Variants in CCM2L observed in about 807,000 individuals in gnomAD.
CCM2L encodes cerebral cavernous malformations 2 protein-like.
Under a neutral mutation model 54.1 loss-of-function variants are expected in CCM2L, and 36 were observed. The ratio of observed to expected loss-of-function variants is 0.67; its 90% CI spans 0.51 to 0.88. The LOEUF (loss-of-function observed/expected upper bound fraction) is 0.88. Among genes scored for constraint, CCM2L ranks in the 40% least tolerant of loss-of-function variants. The pLI is 0.00. For synonymous variants in CCM2L, 351 were observed against 359.3 expected (o/e 0.98, Z 0.26); for missense variants, 700 against 812.1 (o/e 0.86, Z 1.68).
At chr20:32,029,972 A>G in intron 9 of CCM2L, 134 bp downstream of exon 9, 1 of 1,126,902 alleles carries the variant, frequency 8.9e-7, no homozygotes, top group East Asian at 2.9e-5. Flanking sequence ...TGAGATTCAC[A>G]GGGCAGATGA....
At position 32,017,900 on chromosome 20, in the gene CCM2L, G is replaced by T. The variant is rs1007560029; in HGVS notation, c.282+17G>T. 6.2e-7 allele frequency: 1 copy of T among 1,613,748 alleles called. No individual in the cohort carries two copies. On this transcript the variant is annotated intron_variant, in intron 3 of 9. Coordinates refer to ENST00000452892, the MANE Select transcript of CCM2L (RefSeq NM_001365692.1). Reference sequence around the variant, plus strand: ...ACCGCCAGGGTGAGACTCTGGGGAGGGAGGAGGGCAGGATCTCGCTCCCTT... The same window carrying T: ...ACCGCCAGGGTGAGACTCTGGGGAGTGAGGAGGGCAGGATCTCGCTCCCTT...
Position 32,028,847 on chromosome 20 carries a change from A to C in CCM2L, c.1134-148A>C. 5.2e-6 allele frequency: 5 copies of C among 958,630 alleles called. No homozygotes were observed. In the Middle Eastern group the frequency reaches 1.7e-3, roughly 328 times the overall value. 59.4% of individuals were successfully genotyped at this position (958,630 alleles called of 1,614,324 possible). A position where few individuals can be genotyped will look rare whatever the true frequency, so the allele number is the denominator to read the frequency against. On this transcript the variant is annotated intron_variant, in intron 7 of 9. Transcript: ENST00000452892. ...CAAAGGCAAAGGCAAGCACAGTGAC[A>C]GATGAGACTTGAGAGGTGCCAGGGG...
chr20:32,025,323 T>C (rs2064848422), intron 6 of CCM2L, among the ~76,000 whole-genome samples: 1 of 151,778 alleles, frequency 6.6e-6, no homozygotes, highest in South Asian at 2.1e-4. Context: ...GCCTGGACTG[T>C]AGTGGTACAA....
At chr20:32,015,166 G>T in intron 2 of CCM2L, 95 bp downstream of exon 2, 1 of 1,283,918 alleles carries the variant, frequency 7.8e-7, no homozygotes, top group Non-Finnish European at 1.0e-6. Context: ...ATCTCACACA[G>T]GGGAAGTTGT....
chr20:32,026,808 G>A (rs901762822), intron 7 of CCM2L, among the ~76,000 whole-genome samples: 8 of 151,792 alleles, frequency 5.3e-5, no homozygotes, highest in South Asian at 2.1e-4. Flanking sequence ...CCCAGGAGGC[G>A]GAGCTTACAG....
Position 32,031,814 on chromosome 20 carries a change from C to A in CCM2L, c.*500C>A, listed in dbSNP as rs1177307779. On this transcript the variant is annotated 3_prime_UTR_variant, in exon 10 of 10. Transcript: ENST00000452892. The stretch of plus-strand genomic sequence containing the variant: ...TCTCCTTATATGACCTCAAACTGAC[C>A]ATACTAAACAGTGTAGAAGGTCTTT... The A allele has an allele frequency of 6.4e-6, 1 of 156,680 alleles. No homozygotes were observed. The highest frequency in any genetic ancestry group is 1.4e-5 in the Non-Finnish European group (1 of 71,186). 9.7% of individuals were successfully genotyped at this position (156,680 alleles called of 1,614,324 possible).
chr20:32,014,259 A>ATTTT (rs1469397735), intron 1 of CCM2L, among the ~76,000 whole-genome samples: 23 of 138,930 alleles, frequency 1.7e-4, no homozygotes, highest in African/African-American at 3.6e-4. Context: ...ATATATATAT[A>ATTTT]TATTTTTTTT....
In CCM2L at chr20:32,019,168, C is replaced by A; in HGVS notation, c.692C>A (p.Ala231Glu). 8.9e-7 allele frequency: 1 copy of A among 1,117,876 alleles called. No individual in the cohort carries two copies. Among genetic ancestry groups the A allele is most frequent in the Non-Finnish European group, 1.1e-6 (1 of 907,174 alleles). 69.2% of individuals were successfully genotyped at this position (1,117,876 alleles called of 1,614,324 possible). Residue 231 changes from alanine to glutamate, a missense_variant, in exon 5 of 10, where the codon GCG (alanine) becomes GAG (glutamate). Physicochemically the swap from Ala to Glu is moderately radical, Grantham distance 107 (BLOSUM62 -1). Transcript: ENST00000452892. Reference sequence around the variant, plus strand: ...AGCTTGGAGCGCCAGCGCGCCGGGGCGCGGGCGTCGGGCAGCTGGGAGCGA... The same window carrying A: ...AGCTTGGAGCGCCAGCGCGCCGGGGAGCGGGCGTCGGGCAGCTGGGAGCGA... Reference protein sequence around the residue: ...GGSLERQRAGARASGSWERRQ... With the variant: ...GGSLERQRAGERASGSWERRQ...
Position 32,014,942 on chromosome 20 carries a change from G to GGCCGGGC in CCM2L, c.77_83dup (p.Ala29ProfsTer5). The GGCCGGGC allele has an allele frequency of 6.2e-7, 1 of 1,602,310 alleles. No homozygotes were observed. Among genetic ancestry groups the GGCCGGGC allele is most frequent in the Non-Finnish European group, 8.5e-7 (1 of 1,174,432 alleles). ...CCATCCGAAGGCTGGTGTTCCCCAA[G>GGCCGGGC]GCCGGGCGCCGGGCAGCCTGTAGGA... On this transcript the variant is annotated frameshift_variant, in exon 2 of 10. Coordinates refer to ENST00000452892, the MANE Select transcript of CCM2L (RefSeq NM_001365692.1). LOFTEE classifies it high-confidence loss of function.
In CCM2L at chr20:32,029,811, G is replaced by C. The variant is rs765023826; in HGVS notation, c.1375G>C (p.Gly459Arg). Reference protein sequence around the residue: ...DYCTGLLKLYGDRRKFLLLGM... With the variant: ...DYCTGLLKLYRDRRKFLLLGM... The stretch of plus-strand genomic sequence containing the variant: ...TTGCACAGGCCTGCTGAAGCTCTAC[G>C]GAGACCGGCGCAAGTTCCTCCTCCT... The change falls in exon 9 of 10, where the codon GGA becomes CGA. Residue 459 changes from glycine to arginine, a missense_variant. Physicochemically the swap from Gly to Arg is moderately radical, Grantham distance 125 (BLOSUM62 -2). Transcript: ENST00000452892. The C allele has an allele frequency of 6.2e-6, 10 of 1,608,638 alleles. No individual in the cohort carries two copies. The Admixed American group carries it at 1.0e-4, about 16-fold the overall frequency.
chr20:32,015,919 C>T lies in CCM2L; in HGVS notation c.198+848C>T, dbSNP rs144531850. Among the ~76,000 whole-genome samples, 947 of 144,972 alleles carry T rather than the reference C, an allele frequency of 6.5e-3. 4 individuals are homozygous for T. Among genetic ancestry groups the T allele is most frequent in the Middle Eastern group, 0.031 (8 of 258 alleles). Reference sequence around the variant, plus strand: ...TCTCCCAGGCTGGAGTGCAGTGGCACGATCTTGGCTCACTGTAACCTCCGC... The same window carrying T: ...TCTCCCAGGCTGGAGTGCAGTGGCATGATCTTGGCTCACTGTAACCTCCGC... On this transcript the variant is annotated intron_variant, in intron 2 of 9. Coordinates refer to ENST00000452892, the MANE Select transcript of CCM2L (RefSeq NM_001365692.1).
chr20:32,029,761 G>A lies in CCM2L; in HGVS notation c.1325G>A (p.Arg442Gln), dbSNP rs774474624. Residue 442 changes from arginine to glutamine, a missense_variant, in exon 9 of 10, where the codon CGG becomes CAG. By Grantham distance (43) the Arg-to-Gln change is conservative (BLOSUM62 1). Coordinates refer to ENST00000452892, the MANE Select transcript of CCM2L (RefSeq NM_001365692.1). ...QQFAMLLREY[R>Q]LGLPIQDYCT... is the part of the protein sequence containing the mutation. ...TTTGCGATGCTGCTGCGGGAGTACCGGCTGGGGCTGCCCATCCAGGACTAT... is the reference window on the plus strand; with the variant it reads ...TTTGCGATGCTGCTGCGGGAGTACCAGCTGGGGCTGCCCATCCAGGACTAT... 8.7e-6 allele frequency: 14 copies of A among 1,613,408 alleles called. No individual in the cohort carries two copies. Among genetic ancestry groups the A allele is most frequent in the African/African-American group, 4.0e-5 (3 of 74,852 alleles).
rs1390634167 is a variant in CCM2L at position 32,029,740 on chromosome 20, C to A, written c.1304C>A (p.Ala435Glu). ...KLGPLEIQQF[A>E]MLLREYRLGL... ...GGGCCCCTCGAGATCCAGCAGTTTG[C>A]GATGCTGCTGCGGGAGTACCGGCTG... The change falls in exon 9 of 10, where the codon GCG (alanine) becomes GAG (glutamate). Residue 435 changes from alanine to glutamate, a missense_variant. Transcript: ENST00000452892. The A allele has an allele frequency of 6.8e-6, 11 of 1,612,816 alleles. No homozygotes were observed. Among genetic ancestry groups the A allele is most frequent in the Admixed American group, 1.7e-5 (1 of 59,904 alleles).
At chr20:32,018,292 C>G in intron 4 of CCM2L, 130 bp downstream of exon 4, 2 of 714,994 alleles carry the variant, frequency 2.8e-6, no homozygotes, top group South Asian at 2.2e-5. Context: ...GGACCTGCGG[C>G]GGGGGCAGAG....
chr20:32,028,651 T>C, intron 7 of CCM2L: 1 of 246,682 alleles, frequency 4.1e-6, no homozygotes, highest in Non-Finnish European at 8.0e-6. Flanking sequence ...TAGGGAACAC[T>C]CTCCTGAGGA....
chr20:32,031,108 A>G lies in CCM2L; in HGVS notation c.1510A>G (p.Lys504Glu). 7.7e-7 allele frequency: 1 copy of G among 1,304,252 alleles called. No homozygotes were observed. The highest frequency in any genetic ancestry group is 1.2e-5 in the South Asian group (1 of 81,028). The allele number at this position is 1,304,252 out of a possible 1,614,324, so 80.8% of individuals were successfully genotyped here. The change falls in exon 10 of 10, where the codon AAG (lysine) becomes GAG (glutamate). Residue 504 changes from lysine (K) to glutamate (E), a missense_variant. By Grantham distance (56) the Lys-to-Glu change is moderately conservative (BLOSUM62 1). Transcript: ENST00000452892. ...CCTCACTGACAGCTTCGGCCGCATC[A>G]AGCGCAGCATGAGCTCCACGTCGGC... Reference protein sequence around the residue: ...GILTDSFGRIKRSMSSTSASA... With the variant: ...GILTDSFGRIERSMSSTSASA...
Position 32,017,789 on chromosome 20 carries a change from T to C in CCM2L, c.199-11T>C, listed in dbSNP as rs746247708. On this transcript the variant is annotated splice_polypyrimidine_tract_variant and intron_variant, in intron 2 of 9. Coordinates refer to ENST00000452892, the MANE Select transcript of CCM2L (RefSeq NM_001365692.1). ...TCTCTGTGTCCTTCTCTCACCCCGA[T>C]TTCCATCCAGTTCCTGGGCCACCTT... 39 of 1,613,458 alleles carry C rather than the reference T, an allele frequency of 2.4e-5. No individual in the cohort carries two copies. The highest frequency in any genetic ancestry group is 3.1e-5 in the Non-Finnish European group (37 of 1,179,492).
At chr20:32,023,905 AT>A (rs973039443) in intron 6 of CCM2L, among the ~76,000 whole-genome samples, 8 of 152,076 alleles carry the variant, frequency 5.3e-5, no homozygotes, top group African/African-American at 1.7e-4. Flanking sequence ...TAATTTTTGT[AT>A]TTTTAGTAGA....
chr20:32,029,740 C>T lies in CCM2L; in HGVS notation c.1304C>T (p.Ala435Val), dbSNP rs1390634167. 15 of 1,612,930 alleles carry T rather than the reference C, an allele frequency of 9.3e-6. No homozygotes were observed. The highest frequency in any genetic ancestry group is 1.3e-5 in the Non-Finnish European group (15 of 1,179,354). Residue 435 changes from alanine (A) to valine (V), a missense_variant, in exon 9 of 10, where the codon GCG (alanine) becomes GTG (valine). By Grantham distance (64) the Ala-to-Val change is moderately conservative (BLOSUM62 0). Coordinates refer to ENST00000452892, the MANE Select transcript of CCM2L (RefSeq NM_001365692.1). Reference protein sequence around the residue: ...KLGPLEIQQFAMLLREYRLGL... With the variant: ...KLGPLEIQQFVMLLREYRLGL... ...GGGCCCCTCGAGATCCAGCAGTTTGCGATGCTGCTGCGGGAGTACCGGCTG... is the reference window on the plus strand; with the variant it reads ...GGGCCCCTCGAGATCCAGCAGTTTGTGATGCTGCTGCGGGAGTACCGGCTG...
Sources: gnomAD v4.1 joint callset for allele counts (sites outside exome capture counted in the v4.1 genomes callset) on GRCh38, gnomAD v4.1.1 for gene constraint, MANE v1.5 for transcripts, NCBI Gene and HGNC (gene_info 2026-07-23, HGNC 2026-07-21) for gene names.